Variants in NLK observed in about 807,000 individuals in gnomAD.
NLK encodes the protein serine/threonine-protein kinase NLK.
In NLK, 11 loss-of-function variants were observed where a neutral mutation model predicts 59.0. The ratio of observed to expected loss-of-function variants is 0.19; its 90% confidence interval spans 0.12 to 0.31. The LOEUF (loss-of-function observed/expected upper bound fraction) is 0.31, where lower values mean the gene tolerates loss of function less well. Among genes scored for constraint, NLK ranks in the 10% least tolerant of loss-of-function variants. The probability of loss-of-function intolerance (pLI) is 1.00; values close to 1 mark genes in which losing one functional copy is unlikely to be tolerated. For synonymous variants in NLK, 235 were observed against 235.9 expected, an observed-to-expected ratio of 1.00 and a Z score of 0.03; for missense variants, 410 against 661.1, an observed-to-expected ratio of 0.62 and a Z score of 4.16.
the NLK span, among the ~76,000 whole-genome samples, chr17:28,201,693 TCAC>T: frequency 4.5e-3 from 681 of 152,144 alleles, 2 homozygotes; most frequent in African/African-American, 0.016. Context: ...TCATAGTAAT[TCAC>T]CATATTAACA....
chr17:28,174,985 A>ATT (rs750590388), intron 7 of NLK, among the ~76,000 whole-genome samples: 24 of 131,324 alleles, frequency 1.8e-4, no homozygotes, highest in African/African-American at 5.6e-4. Flanking sequence ...AGCCACCTGG[A>ATT]TTTTTTTTTT....
chr17:28,131,586 TAAAAAAAAAAAA>T (rs35804817), intron 2 of NLK, among the ~76,000 whole-genome samples: 9,818 of 83,764 alleles, frequency 0.12, 393 homozygotes, highest in East Asian at 0.18. Flanking sequence ...TTCTCTGTAG[TAAAAAAAAAAAA>T]AAAAAAAAAA....
chr17:28,101,464 T>C (rs1904899968), intron 1 of NLK, among the ~76,000 whole-genome samples: 1 of 152,208 alleles, frequency 6.6e-6, no homozygotes, highest in South Asian at 2.1e-4. Context: ...TTGCAATGTT[T>C]TGTATTTCTC....
At chr17:28,063,057 A>G (rs1259330481) in intron 1 of NLK, among the ~76,000 whole-genome samples, 1 of 151,790 alleles carries the variant, frequency 6.6e-6, no homozygotes, top group Non-Finnish European at 1.5e-5. Flanking sequence ...TCAGCCTCCC[A>G]AGTAGCTGGG....
At position 28,196,238 on chromosome 17, in the gene NLK, A is replaced by G. The variant is rs1909480797; in HGVS notation, c.*1602A>G. 6.6e-6 allele frequency: 1 copy of G among 152,614 alleles called. No homozygotes were observed. The highest frequency in any genetic ancestry group is 1.5e-5 in the Non-Finnish European group (1 of 68,042). 9.5% of individuals were successfully genotyped at this position (152,614 alleles called of 1,614,324 possible). ...ATTCACTTGAATGAGAAACGTGTTT[A>G]GTATCAAAAGAGCCCAAGAAGACAC... is the stretch of plus-strand genomic sequence containing the variant. On this transcript the variant is annotated 3_prime_UTR_variant, in exon 11 of 11. Coordinates refer to ENST00000407008, the MANE Select transcript of NLK (RefSeq NM_016231.5).
chr17:28,088,480 T>C (rs950752706), intron 1 of NLK, among the ~76,000 whole-genome samples: 2 of 152,188 alleles, frequency 1.3e-5, no homozygotes, highest in African/African-American at 4.8e-5. Context: ...GATAAATGCA[T>C]AATTTGTTTG....
chr17:28,096,117 A>G (rs1187561966), intron 1 of NLK, among the ~76,000 whole-genome samples: 1 of 152,172 alleles, frequency 6.6e-6, no homozygotes, highest in East Asian at 1.9e-4. Flanking sequence ...GCATTCTTTT[A>G]TAGGTCAAGG....
downstream of NLK, among the ~76,000 whole-genome samples, chr17:28,200,199 T>A (rs141469532): frequency 5.2e-3 from 793 of 152,356 alleles, 13 homozygotes; most frequent in African/African-American, 0.018. Flanking sequence ...CTTTTGTAAC[T>A]CATGGTTTTG....
intron 1 of NLK, among the ~76,000 whole-genome samples, chr17:28,079,282 T>C (rs1180733215): frequency 6.6e-6 from 1 of 152,244 alleles, no homozygotes; most frequent in Non-Finnish European, 1.5e-5. Context: ...GATAGACAGA[T>C]GTTTCCATCT....
chr17:28,194,785 T>A lies in NLK; in HGVS notation c.*149T>A. 2.3e-6 allele frequency: 1 copy of A among 442,774 alleles called. No individual in the cohort carries two copies. Among genetic ancestry groups the A allele is most frequent in the East Asian group, 3.3e-5 (1 of 29,976 alleles). 27.4% of individuals were successfully genotyped at this position (442,774 alleles called of 1,614,324 possible). Reference sequence around the variant, plus strand: ...CACTACTTGTATGATATGAATAATATTTAGAAATGTTACTAGACTTTTAAT... The same window carrying A: ...CACTACTTGTATGATATGAATAATAATTAGAAATGTTACTAGACTTTTAAT... On this transcript the variant is annotated 3_prime_UTR_variant, in exon 11 of 11. Coordinates refer to ENST00000407008, the MANE Select transcript of NLK (RefSeq NM_016231.5).
chr17:28,137,941 A>G (rs761009581), intron 3 of NLK, among the ~76,000 whole-genome samples: 2 of 152,062 alleles, frequency 1.3e-5, no homozygotes. Context: ...AATTTTAAAG[A>G]TTATATATTT....
chr17:28,194,573 T>G lies in NLK; in HGVS notation c.1530-9T>G. On this transcript the variant is annotated splice_polypyrimidine_tract_variant and intron_variant, in intron 10 of 10. Transcript: ENST00000407008. ...TACAACTAATTTCTCCATCTCTGTT[T>G]TCTTCCAGTTCCACTGTTGCTCAGC... The G allele has an allele frequency of 6.3e-7, 1 of 1,579,342 alleles. No individual in the cohort carries two copies. Among genetic ancestry groups the G allele is most frequent in the Non-Finnish European group, 8.7e-7 (1 of 1,154,728 alleles).
In NLK at chr17:28,194,761, A is replaced by G; in HGVS notation, c.*125A>G. Reference sequence around the variant, plus strand: ...CTAATGAAGTTTTAAATTAACAACCACTACTTGTATGATATGAATAATATT... The same window carrying G: ...CTAATGAAGTTTTAAATTAACAACCGCTACTTGTATGATATGAATAATATT... On this transcript the variant is annotated 3_prime_UTR_variant, in exon 11 of 11. Transcript: ENST00000407008. The G allele has an allele frequency of 2.0e-6, 1 of 503,346 alleles. No individual in the cohort carries two copies. Among genetic ancestry groups the G allele is most frequent in the Admixed American group, 3.5e-5 (1 of 28,938 alleles). 31.2% of individuals were successfully genotyped at this position (503,346 alleles called of 1,614,324 possible).
At chr17:28,054,021 T>C (rs1909354953) in intron 1 of NLK, among the ~76,000 whole-genome samples, 1 of 152,226 alleles carries the variant, frequency 6.6e-6, no homozygotes, top group Non-Finnish European at 1.5e-5. Flanking sequence ...CCCTCTCTTT[T>C]CTAATTTTTT....
chr17:28,170,083 A>T lies in NLK; in HGVS notation c.1047+1426A>T, dbSNP rs537911977. 2.0e-5 allele frequency among the ~76,000 whole-genome samples: 3 copies of T among 152,320 alleles called. No individual in the cohort carries two copies. In the East Asian group the frequency reaches 5.8e-4, roughly 29 times the overall value. On this transcript the variant is annotated intron_variant, in intron 6 of 10. Transcript: ENST00000407008. ...CACCCACATAAAATAAGGCAGTAAG[A>T]TGCTGGAGAAATGTTCCAAGAAGAG...
chr17:28,185,241 T>C lies in NLK; in HGVS notation c.1212T>C (p.Leu404=), dbSNP rs1473993607. ...CTACACATGAAGCTGTTCATCTCCT[T>C]TGCAGGATGTTGGTCTTTGATCCAG... ...SQATHEAVHL[L]CRMLVFDPSK... is the part of the protein sequence containing the mutation. The change falls in exon 8 of 11, where the codon CTT becomes CTC. Residue 404 remains leucine, a synonymous_variant. Transcript: ENST00000407008. 2 of 1,587,574 alleles carry C rather than the reference T, an allele frequency of 1.3e-6. No individual in the cohort carries two copies. Among genetic ancestry groups the C allele is most frequent in the Non-Finnish European group, 1.7e-6 (2 of 1,165,140 alleles).
chr17:28,091,592 A>G (rs1285940833), intron 1 of NLK, among the ~76,000 whole-genome samples: 1 of 152,090 alleles, frequency 6.6e-6, no homozygotes, highest in Non-Finnish European at 1.5e-5. Flanking sequence ...CCCCTTCCAC[A>G]TAGTTAACAT....
intron 7 of NLK, among the ~76,000 whole-genome samples, chr17:28,176,794 G>A (rs570753278): frequency 4.3e-4 from 65 of 152,048 alleles, no homozygotes; most frequent in Admixed American, 1.4e-3. Flanking sequence ...ATATCTTTCC[G>A]GATATATATT....
At chr17:28,190,302 A>T (rs1055263247) in intron 8 of NLK, among the ~76,000 whole-genome samples, 11 of 152,330 alleles carry the variant, frequency 7.2e-5, no homozygotes, top group African/African-American at 2.6e-4. Flanking sequence ...CTTAAAACTC[A>T]TGCATTCAGT....
Sources: gnomAD v4.1 joint callset for allele counts (sites outside exome capture counted in the v4.1 genomes callset) on GRCh38, gnomAD v4.1.1 for gene constraint, MANE v1.5 for transcripts, NCBI Gene and HGNC (gene_info 2026-07-23, HGNC 2026-07-21) for gene names.